The following CATSPERE variants were observed in gnomAD, a reference collection of about 807,000 sequenced individuals.
The protein encoded by CATSPERE is catsper channel auxiliary subunit epsilon, also known as cation channel sperm-associated auxiliary subunit epsilon.
In CATSPERE, 93 loss-of-function variants were observed where a neutral mutation model predicts 114.1. The ratio of observed to expected loss-of-function variants is 0.81; its 90% CI spans 0.69 to 0.97. CATSPERE has a LOEUF of 0.97. CATSPERE is among the 50% of genes least tolerant of loss of function. The pLI, the probability that CATSPERE is intolerant of heterozygous loss-of-function variation, is 0.00. For synonymous variants in CATSPERE, 341 were observed against 384.1 expected, an observed-to-expected ratio of 0.89 and a Z score of 1.31; for missense variants, 1,058 against 1,131.6, an observed-to-expected ratio of 0.93 and a Z score of 0.93.
intron 15 of CATSPERE, 97 bp from the exon 16 acceptor site, chr1:244,593,298 T>G: frequency 8.4e-7 from 1 of 1,196,908 alleles, no homozygotes; most frequent in Non-Finnish European, 1.2e-6. Context: ...TTTATCTGTT[T>G]GACCTTTGTG....
chr1:244,559,104 A>C (rs975172340), intron 9 of CATSPERE, among the ~76,000 whole-genome samples: 1 of 152,214 alleles, frequency 6.6e-6, no homozygotes, highest in Non-Finnish European at 1.5e-5. Flanking sequence ...TGTGAGTGAG[A>C]GTGAAAACTC....
intron 9 of CATSPERE, among the ~76,000 whole-genome samples, chr1:244,558,002 G>T (rs1203027243): frequency 6.6e-6 from 1 of 151,900 alleles, no homozygotes; most frequent in Non-Finnish European, 1.5e-5. Context: ...CCAGGCTGGA[G>T]TGCAATGCCA....
At chr1:244,496,502 A>G (rs778908681) in intron 6 of CATSPERE, among the ~76,000 whole-genome samples, 4 of 152,026 alleles carry the variant, frequency 2.6e-5, no homozygotes, top group Non-Finnish European at 5.9e-5. Context: ...AATCTGAAAG[A>G]GTACAAAAGC....
chr1:244,483,627 A>G (rs1399176870), intron 5 of CATSPERE, among the ~76,000 whole-genome samples: 1 of 152,130 alleles, frequency 6.6e-6, no homozygotes, highest in Admixed American at 6.6e-5. Context: ...TCTCTTTCCT[A>G]TTCAATAAGT....
chr1:244,479,589 T>G, intron 4 of CATSPERE, 128 bp from the exon 5 acceptor site: 1 of 424,766 alleles, frequency 2.4e-6, no homozygotes, highest in Non-Finnish European at 4.2e-6. Context: ...AATTCTATTC[T>G]GAACTTTATT....
Position 244,463,964 on chromosome 1 carries a change from T to C in CATSPERE, c.114+8T>C, listed in dbSNP as rs759142911. The C allele has an allele frequency of 3.2e-6, 5 of 1,581,828 alleles. No individual in the cohort carries two copies. Among genetic ancestry groups the C allele is most frequent in the Non-Finnish European group, 1.7e-6 (2 of 1,151,752 alleles). ...TTTAGTACCAGAAGTACTGTAAGTG[T>C]TGAATTTTTAATAAACTATAGTTAA... On this transcript the variant is annotated splice_region_variant and intron_variant, in intron 2 of 21. Coordinates refer to ENST00000366534, the MANE Select transcript of CATSPERE (RefSeq NM_001130957.2).
intron 5 of CATSPERE, among the ~76,000 whole-genome samples, chr1:244,483,219 T>C (rs1461848907): frequency 6.6e-6 from 1 of 152,226 alleles, no homozygotes; most frequent in East Asian, 1.9e-4. Flanking sequence ...TCAGGCCTCA[T>C]TCCAGACCTA....
Position 244,640,332 on chromosome 1 carries a change from A to C in CATSPERE, c.*251A>C, listed in dbSNP as rs1675200903. On this transcript the variant is annotated 3_prime_UTR_variant, in exon 22 of 22. Transcript: ENST00000366534. Reference sequence around the variant, plus strand: ...ACTCTATGTACTCTCACATGGCATGAAAAAATAAACTAAATTTGACTATTA... The same window carrying C: ...ACTCTATGTACTCTCACATGGCATGCAAAAATAAACTAAATTTGACTATTA... 2 of 250,604 alleles carry C rather than the reference A, an allele frequency of 8.0e-6. No individual in the cohort carries two copies. Among genetic ancestry groups the C allele is most frequent in the Non-Finnish European group, 1.5e-5 (2 of 132,310 alleles). 15.5% of individuals were successfully genotyped at this position (250,604 alleles called of 1,614,324 possible).
chr1:244,569,917 T>G (rs1664191166), intron 10 of CATSPERE, among the ~76,000 whole-genome samples: 1 of 152,196 alleles, frequency 6.6e-6, no homozygotes, highest in South Asian at 2.1e-4. Context: ...ACTAAATAAT[T>G]TATTTTCATG....
At position 244,640,180 on chromosome 1, in the gene CATSPERE, T is replaced by A; in HGVS notation, c.*99T>A. On this transcript the variant is annotated 3_prime_UTR_variant, in exon 22 of 22. Transcript: ENST00000366534. Reference sequence around the variant, plus strand: ...GTGTGTTTGACCAAGAAATACTAAATATAAGCTCGTAGTAGGCATCACCAA... The same window carrying A: ...GTGTGTTTGACCAAGAAATACTAAAAATAAGCTCGTAGTAGGCATCACCAA... The A allele has an allele frequency of 1.1e-6, 1 of 925,594 alleles. No homozygotes were observed. The highest frequency in any genetic ancestry group is 1.5e-6 in the Non-Finnish European group (1 of 658,448). The allele number at this position is 925,594 out of a possible 1,614,324, so 57.3% of individuals were successfully genotyped here. A position where few individuals can be genotyped will look rare whatever the true frequency, so the allele number is the denominator to read the frequency against.
chr1:244,471,152 G>A (rs947374020), intron 2 of CATSPERE, among the ~76,000 whole-genome samples: 2 of 152,148 alleles, frequency 1.3e-5, no homozygotes, highest in African/African-American at 2.4e-5. Context: ...TGAATGAATT[G>A]TATGACGTGA....
At chr1:244,503,983 A>C (rs543502644) in intron 7 of CATSPERE, among the ~76,000 whole-genome samples, 2 of 152,310 alleles carry the variant, frequency 1.3e-5, no homozygotes, top group African/African-American at 4.8e-5. Context: ...ATAGTTTTCT[A>C]TGACCTGGAG....
chr1:244,520,620 C>T (rs931164756), intron 8 of CATSPERE, among the ~76,000 whole-genome samples: 3 of 151,780 alleles, frequency 2.0e-5, no homozygotes, highest in Non-Finnish European at 4.4e-5. Flanking sequence ...TGTGGAGTCT[C>T]GGCAGAGCAG....
intron 8 of CATSPERE, among the ~76,000 whole-genome samples, chr1:244,547,232 G>A (rs1033310084): frequency 5.5e-5 from 7 of 127,254 alleles, no homozygotes; most frequent in East Asian, 2.5e-4. Context: ...TACTGTGCTC[G>A]GCAGGCCATC....
intron 7 of CATSPERE, among the ~76,000 whole-genome samples, chr1:244,513,898 A>T (rs545708515): frequency 1.3e-5 from 2 of 152,290 alleles, no homozygotes; most frequent in East Asian, 3.9e-4. Context: ...GGGTGGAGCA[A>T]ATTGATCCCT....
chr1:244,556,767 CT>C (rs1281526879), intron 9 of CATSPERE, among the ~76,000 whole-genome samples: 3 of 152,034 alleles, frequency 2.0e-5, no homozygotes, highest in Non-Finnish European at 2.9e-5. Context: ...TTTTCTTTCT[CT>C]TTTTTTCCCC....
intron 8 of CATSPERE, among the ~76,000 whole-genome samples, chr1:244,534,643 A>G (rs1420569460): frequency 6.6e-6 from 1 of 150,926 alleles, no homozygotes; most frequent in African/African-American, 2.4e-5. Flanking sequence ...TTTTTAATTT[A>G]TCTGATAGGA....
intron 8 of CATSPERE, among the ~76,000 whole-genome samples, chr1:244,521,558 TC>T (rs1278616850): frequency 6.6e-6 from 1 of 152,184 alleles, no homozygotes; most frequent in African/African-American, 2.4e-5. Context: ...GTTTTTTACT[TC>T]CTGCTTTCCT....
At chr1:244,621,080 T>TAA (rs1672104261) in intron 20 of CATSPERE, among the ~76,000 whole-genome samples, 2 of 70,634 alleles carry the variant, frequency 2.8e-5, no homozygotes, top group African/African-American at 5.6e-5. Context: ...AAAATATATA[T>TAA]ATAAATATAT....
Sources: allele counts gnomAD v4.1 joint callset (sites outside exome capture counted in the v4.1 genomes callset), GRCh38; gene constraint gnomAD v4.1.1; transcripts MANE v1.5; gene names NCBI Gene and HGNC (gene_info 2026-07-23, HGNC 2026-07-21).